Variants in RHBDD1 observed in about 807,000 individuals in gnomAD.
The protein encoded by RHBDD1 is rhomboid-related protein 4.
In RHBDD1, 38 loss-of-function variants were observed where a neutral mutation model predicts 36.3. That is an observed-to-expected ratio of 1.05 (90% CI 0.81 to 1.37). The LOEUF is 1.37. Among genes scored for constraint, RHBDD1 ranks in the 40% most tolerant of loss-of-function variants. The probability of loss-of-function intolerance (pLI) is 0.00; values close to 1 mark genes in which losing one functional copy is unlikely to be tolerated. For missense variants in RHBDD1, 393 were observed against 377.6 expected (o/e 1.04, Z -0.34); for synonymous variants, 151 against 136.5 (o/e 1.11, Z -0.74).
At chr2:226,986,456 CA>C (rs1330180730) in intron 8 of RHBDD1, among the ~76,000 whole-genome samples, 2 of 151,570 alleles carry the variant, frequency 1.3e-5, no homozygotes, top group East Asian at 3.9e-4. Flanking sequence ...AAAATTATTC[CA>C]AAATAAAAAG....
At chr2:226,820,644 CAAAAAAAAA>C in the RHBDD1 span, among the ~76,000 whole-genome samples, 1 of 63,516 alleles carries the variant, frequency 1.6e-5, no homozygotes. Flanking sequence ...TCCATCTCCA[CAAAAAAAAA>C]AAAAAAAAAA....
chr2:226,907,184 C>G (rs559400411), intron 6 of RHBDD1, among the ~76,000 whole-genome samples: 1 of 152,274 alleles, frequency 6.6e-6, no homozygotes, highest in South Asian at 2.1e-4. Flanking sequence ...ATGCAGAGAA[C>G]TAAAGTGCCT....
chr2:226,892,889 G>A (rs377761418), intron 5 of RHBDD1, among the ~76,000 whole-genome samples: 1 of 152,130 alleles, frequency 6.6e-6, no homozygotes, highest in Admixed American at 6.5e-5. Context: ...GCAACGTTGC[G>A]TAATTTCTGG....
chr2:226,992,723 G>C (rs1221918637), intron 8 of RHBDD1, among the ~76,000 whole-genome samples: 2 of 152,206 alleles, frequency 1.3e-5, no homozygotes, highest in African/African-American at 2.4e-5. Context: ...TGAAGAAAAG[G>C]GACACTGGGT....
intron 8 of RHBDD1, among the ~76,000 whole-genome samples, chr2:226,948,755 C>T (rs1357121865): frequency 4.6e-5 from 7 of 152,104 alleles, no homozygotes; most frequent in African/African-American, 1.7e-4. Context: ...CCCTCTCTCA[C>T]CACTCCTGTT....
intron 7 of RHBDD1, 44 bp from the exon 8 acceptor site, chr2:226,914,164 A>G (rs376130389): frequency 1.9e-6 from 3 of 1,584,008 alleles, no homozygotes; most frequent in African/African-American, 2.7e-5. Flanking sequence ...GTATAAAACA[A>G]CAGTCCATAG....
chr2:226,898,631 AAAC>A (rs1395861757), intron 5 of RHBDD1, among the ~76,000 whole-genome samples: 8 of 152,230 alleles, frequency 5.3e-5, no homozygotes, highest in African/African-American at 1.9e-4. Flanking sequence ...CAAGGACAGA[AAAC>A]AAGAAGTTTA....
chr2:226,867,441 C>A, intron 5 of RHBDD1, 123 bp downstream of exon 5: 1 of 1,216,590 alleles, frequency 8.2e-7, no homozygotes. Flanking sequence ...TCTATTAGGA[C>A]AGAATCAAGC....
intron 8 of RHBDD1, among the ~76,000 whole-genome samples, chr2:226,954,410 T>C (rs1951650260): frequency 1.3e-5 from 2 of 152,206 alleles, no homozygotes; most frequent in Non-Finnish European, 2.9e-5. Flanking sequence ...AATAATCCCT[T>C]GTTTTGTTTT....
At chr2:226,914,408 C>A in intron 8 of RHBDD1, 57 bp downstream of exon 8, 1 of 1,534,180 alleles carries the variant, frequency 6.5e-7, no homozygotes, top group Non-Finnish European at 8.8e-7. Flanking sequence ...GTAAGGTAGT[C>A]TGAAAAAGAG....
chr2:226,985,047 T>G (rs1956639015), intron 8 of RHBDD1, among the ~76,000 whole-genome samples: 1 of 152,044 alleles, frequency 6.6e-6, no homozygotes, highest in African/African-American at 2.4e-5. Flanking sequence ...CTAACATAGA[T>G]CATTTTGAGT....
chr2:226,825,756 A>C, the RHBDD1 span, among the ~76,000 whole-genome samples: 1 of 152,232 alleles, frequency 6.6e-6, no homozygotes, highest in Non-Finnish European at 1.5e-5. Flanking sequence ...AATGTATTAG[A>C]AAGAAAGGTG....
chr2:226,810,181 G>A, the RHBDD1 span, among the ~76,000 whole-genome samples: 1 of 152,152 alleles, frequency 6.6e-6, no homozygotes, highest in Admixed American at 6.5e-5. Flanking sequence ...TGATAATGCA[G>A]TAGATTATCA....
At chr2:226,843,452 C>T (rs1485870055) in intron 3 of RHBDD1, among the ~76,000 whole-genome samples, 1 of 152,066 alleles carries the variant, frequency 6.6e-6, no homozygotes, top group African/African-American at 2.4e-5. Flanking sequence ...CCTTTAATCC[C>T]TAGTTTATTG....
intron 8 of RHBDD1, among the ~76,000 whole-genome samples, chr2:226,916,523 C>G (rs891404535): frequency 1.3e-5 from 2 of 152,184 alleles, no homozygotes; most frequent in African/African-American, 4.8e-5. Flanking sequence ...TACAGCCTAT[C>G]TCTATCCCCT....
rs539308951 is a variant in RHBDD1 at position 226,905,978 on chromosome 2, C to G, written c.567-815C>G. ...AACAACTCGTTGTGTAGGACCCCCC[C>G]CTTTGTGGTAACAGCAGAGGTTTTT... On this transcript the variant is annotated intron_variant, in intron 5 of 8. Transcript: ENST00000392062. Among the ~76,000 whole-genome samples, 69 of 124,526 alleles carry G rather than the reference C, an allele frequency of 5.5e-4. 1 individual carries two copies. Among genetic ancestry groups the G allele is most frequent in the Middle Eastern group, 3.7e-3 (1 of 270 alleles). 81.7% of individuals were successfully genotyped at this position (124,526 alleles called of 152,430 possible).
At chr2:226,810,358 G>T in the RHBDD1 span, among the ~76,000 whole-genome samples, 1 of 151,802 alleles carries the variant, frequency 6.6e-6, no homozygotes, top group African/African-American at 2.4e-5. Context: ...TGGCCAACAT[G>T]ACAAAATCCC....
At chr2:226,913,672 TG>T (rs971472082) in intron 7 of RHBDD1, among the ~76,000 whole-genome samples, 4 of 152,070 alleles carry the variant, frequency 2.6e-5, no homozygotes, top group Admixed American at 6.6e-5. Context: ...AACCTTTTTT[TG>T]GGGGGGAGCT....
At chr2:226,911,003 A>G (rs1010066798) in intron 7 of RHBDD1, among the ~76,000 whole-genome samples, 4 of 152,176 alleles carry the variant, frequency 2.6e-5, no homozygotes, top group African/African-American at 9.7e-5. Context: ...TGTTTTTATA[A>G]TATTCAGATG....
Sources: allele counts gnomAD v4.1 joint callset (sites outside exome capture counted in the v4.1 genomes callset), GRCh38; gene constraint gnomAD v4.1.1; transcripts MANE v1.5; gene names NCBI Gene and HGNC (gene_info 2026-07-23, HGNC 2026-07-21).